GRIN3A: variants seen among roughly 807,000 people sequenced by gnomAD.
GRIN3A encodes the protein glutamate receptor ionotropic, NMDA 3A.
Under a neutral mutation model 92.4 loss-of-function variants are expected in GRIN3A, and 47 were observed. That is an observed-to-expected ratio of 0.51 (90% CI 0.40 to 0.65). GRIN3A has a LOEUF of 0.65. GRIN3A is among the 30% of genes least tolerant of loss of function. GRIN3A has a pLI of 0.00. For missense variants in GRIN3A, 1,324 were observed against 1,393.1 expected, an observed-to-expected ratio of 0.95 and a Z score of 0.79; for synonymous variants, 527 against 540.6, an observed-to-expected ratio of 0.97 and a Z score of 0.35.
At chr9:101,579,802 T>G (rs1029781958) in intron 6 of GRIN3A, among the ~76,000 whole-genome samples, 1 of 152,144 alleles carries the variant, frequency 6.6e-6, no homozygotes, top group Admixed American at 6.5e-5. Flanking sequence ...GATAACTCAT[T>G]GCTTTATCAC....
At chr9:101,673,682 C>CT (rs1210896613) in intron 2 of GRIN3A, among the ~76,000 whole-genome samples, 1 of 152,074 alleles carries the variant, frequency 6.6e-6, no homozygotes, top group Non-Finnish European at 1.5e-5. Flanking sequence ...CATCACATTC[C>CT]TTTTTTATCT....
At chr9:101,595,167 G>T in intron 6 of GRIN3A, 1 of 555,174 alleles carries the variant, frequency 1.8e-6, no homozygotes, top group Non-Finnish European at 3.2e-6. Context: ...GTCTGGGCAG[G>T]AGTATAGGGA....
At chr9:101,617,329 AT>A (rs1426151024) in intron 5 of GRIN3A, among the ~76,000 whole-genome samples, 1 of 152,020 alleles carries the variant, frequency 6.6e-6, no homozygotes, top group Admixed American at 6.5e-5. Flanking sequence ...AGACAAAAGT[AT>A]ATGATAAGAA....
chr9:101,695,454 G>A (rs1438161659), intron 1 of GRIN3A, among the ~76,000 whole-genome samples: 2 of 152,108 alleles, frequency 1.3e-5, no homozygotes, highest in Non-Finnish European at 2.9e-5. Flanking sequence ...TAAAAGGAAT[G>A]GTGATGTAAT....
At chr9:101,658,370 G>C in intron 3 of GRIN3A, among the ~76,000 whole-genome samples, 1 of 151,858 alleles carries the variant, frequency 6.6e-6, no homozygotes, top group African/African-American at 2.4e-5. Context: ...ACCATGAAGT[G>C]AAATAAGTCT....
Position 101,577,761 on chromosome 9 carries a change from T to G in GRIN3A, c.3008+7A>C, listed in dbSNP as rs764800278. ...TATAAAGACAGTTGCCATTGGCCCC[T>G]TCTTACCTCTTTTCCACACGTTTGG... On this transcript the variant is annotated splice_region_variant and intron_variant, in intron 8 of 8. Transcript: ENST00000361820. 47 of 1,604,334 alleles carry G rather than the reference T, an allele frequency of 2.9e-5. No homozygotes were observed. Among genetic ancestry groups the G allele is most frequent in the Admixed American group, 3.3e-5 (2 of 59,970 alleles).
intron 5 of GRIN3A, among the ~76,000 whole-genome samples, chr9:101,616,971 T>C (rs969790849): frequency 8.9e-5 from 13 of 146,604 alleles, no homozygotes; most frequent in Middle Eastern, 3.3e-3. Flanking sequence ...GAGGCCAAGG[T>C]GGCCGGATCA....
At chr9:101,706,233 C>G (rs1286040659) in intron 1 of GRIN3A, among the ~76,000 whole-genome samples, 1 of 152,168 alleles carries the variant, frequency 6.6e-6, no homozygotes, top group Non-Finnish European at 1.5e-5. Flanking sequence ...GATAGAGGTG[C>G]CTCATTGACA....
In GRIN3A at chr9:101,613,339, A is replaced by G. The variant is rs1449548432; in HGVS notation, c.2766+37T>C. On this transcript the variant is annotated intron_variant, in intron 6 of 8. Coordinates refer to ENST00000361820, the MANE Select transcript of GRIN3A (RefSeq NM_133445.3). ...TCCTTATGTTCTCTGAGGTACAGCT[A>G]TACAACGTGTCACCATTTTCAACAG... The G allele has an allele frequency of 4.3e-6, 7 of 1,611,428 alleles. No individual in the cohort carries two copies. The Admixed American group carries it at 5.0e-5, about 12-fold the overall frequency.
At position 101,659,533 on chromosome 9, in the gene GRIN3A, G is replaced by A. The variant is rs575960491; in HGVS notation, c.2352+10527C>T. On this transcript the variant is annotated intron_variant, in intron 3 of 8. Coordinates refer to ENST00000361820, the MANE Select transcript of GRIN3A (RefSeq NM_133445.3). ...CTATGTATTTATTTATACATAGAAA[G>A]TATCTATGTATTTATTTATACATAG... 6.9e-3 allele frequency among the ~76,000 whole-genome samples: 897 copies of A among 130,440 alleles called. 38 individuals are homozygous for A. Among genetic ancestry groups the A allele is most frequent in the African/African-American group, 0.025 (860 of 34,612 alleles). The allele number at this position is 130,440 out of a possible 152,430, so 85.6% of individuals were successfully genotyped here.
chr9:101,627,189 A>T (rs2118877095), intron 4 of GRIN3A, among the ~76,000 whole-genome samples: 1 of 152,366 alleles, frequency 6.6e-6, no homozygotes, highest in South Asian at 2.1e-4. Context: ...ACTTCATGTC[A>T]GAGAGAGACT....
rs913681529 is a variant in GRIN3A at position 101,569,989 on chromosome 9, G to A, written c.*3185C>T. 1.3e-5 allele frequency: 2 copies of A among 152,172 alleles called. No homozygotes were observed. Among genetic ancestry groups the A allele is most frequent in the African/African-American group, 4.8e-5 (2 of 41,436 alleles). The allele number at this position is 152,172 out of a possible 1,614,324, so 9.4% of individuals were successfully genotyped here. On this transcript the variant is annotated 3_prime_UTR_variant, in exon 9 of 9. Transcript: ENST00000361820. ...AGCAGCAGCTCTTGATAGGGTTTGTGCAATAGCAAGATTCATGAATAGCAG... is the reference window on the plus strand; with the variant it reads ...AGCAGCAGCTCTTGATAGGGTTTGTACAATAGCAAGATTCATGAATAGCAG...
intron 3 of GRIN3A, among the ~76,000 whole-genome samples, chr9:101,663,184 T>C (rs1315960450): frequency 6.6e-6 from 1 of 151,896 alleles, no homozygotes; most frequent in Non-Finnish European, 1.5e-5. Flanking sequence ...CTTTAACTCA[T>C]TTATCTCATT....
intron 6 of GRIN3A, among the ~76,000 whole-genome samples, chr9:101,582,366 G>A (rs567999761): frequency 4.6e-5 from 7 of 152,292 alleles, no homozygotes; most frequent in African/African-American, 1.7e-4. Flanking sequence ...GGAAAGACTA[G>A]AGCTGAGCAG....
chr9:101,654,301 GCA>G (rs1829054655), intron 3 of GRIN3A, among the ~76,000 whole-genome samples: 2 of 150,496 alleles, frequency 1.3e-5, no homozygotes, highest in Non-Finnish European at 3.0e-5. Flanking sequence ...ATATACCTAT[GCA>G]CACACATATC....
chr9:101,730,512 T>G (rs554510408), intron 1 of GRIN3A, among the ~76,000 whole-genome samples: 6 of 152,128 alleles, frequency 3.9e-5, no homozygotes, highest in Admixed American at 6.5e-5. Flanking sequence ...CATGGAGACA[T>G]CAGGTATGTT....
chr9:101,597,619 C>T (rs1018972428), intron 6 of GRIN3A, among the ~76,000 whole-genome samples: 5 of 151,704 alleles, frequency 3.3e-5, no homozygotes, highest in African/African-American at 1.2e-4. Flanking sequence ...CACTTGCAGA[C>T]ACTCTTGTGT....
intron 1 of GRIN3A, among the ~76,000 whole-genome samples, chr9:101,703,463 A>G (rs543189143): frequency 6.6e-6 from 1 of 152,272 alleles, no homozygotes; most frequent in East Asian, 1.9e-4. Flanking sequence ...CATCAAATGC[A>G]TATTTTCTTT....
intron 1 of GRIN3A, 114 bp downstream of exon 1, chr9:101,737,167 G>T: frequency 1.2e-6 from 1 of 835,144 alleles, no homozygotes; most frequent in Non-Finnish European, 2.0e-6. Context: ...CAATATCAAA[G>T]TTATAAAGTA....
Sources: gnomAD v4.1 joint callset for allele counts (sites outside exome capture counted in the v4.1 genomes callset) on GRCh38, gnomAD v4.1.1 for gene constraint, MANE v1.5 for transcripts, NCBI Gene and HGNC (gene_info 2026-07-23, HGNC 2026-07-21) for gene names.